Variants in DPF3 observed in about 807,000 individuals in gnomAD.
DPF3 encodes the protein zinc finger protein DPF3.
In DPF3, 18 loss-of-function variants were observed where a neutral mutation model predicts 56.8. The observed-to-expected ratio is 0.32, with a 90% CI of 0.22 to 0.47. DPF3 has a LOEUF of 0.47. DPF3 is among the 20% of genes least tolerant of loss of function. The probability of loss-of-function intolerance (pLI) is 1.00; values close to 1 mark genes in which losing one functional copy is unlikely to be tolerated. For synonymous variants in DPF3, 188 were observed against 180.2 expected (o/e 1.04, Z -0.35); for missense variants, 403 against 488.8 (o/e 0.82, Z 1.65).
intron 1 of DPF3, among the ~76,000 whole-genome samples, chr14:72,802,894 C>T (rs1343492543): frequency 6.6e-6 from 1 of 152,134 alleles, no homozygotes; most frequent in Non-Finnish European, 1.5e-5. Context: ...TATCACGCCA[C>T]CCTTCAGAAC....
At chr14:72,723,263 G>GA (rs1360204561) in intron 5 of DPF3, among the ~76,000 whole-genome samples, 1 of 150,940 alleles carries the variant, frequency 6.6e-6, no homozygotes. Context: ...CAGGTACCCT[G>GA]ACTCTGTCAT....
intron 1 of DPF3, among the ~76,000 whole-genome samples, chr14:72,874,444 A>C (rs376631309): frequency 1.3e-5 from 2 of 151,620 alleles, no homozygotes; most frequent in African/African-American, 4.9e-5. Context: ...CTGACACTGC[A>C]CTCCAGCCTA....
rs757444001 is a variant in DPF3, at chr14:72,674,245, C to T, written c.866G>A (p.Arg289His). The change falls in exon 8 of 11, where the codon CGC becomes CAC. Residue 289 changes from arginine to histidine, a missense_variant. Arg to His is a conservative substitution (Grantham distance 29, BLOSUM62 0). Coordinates refer to ENST00000556509, the MANE Select transcript of DPF3 (RefSeq NM_001280542.3). ...EELVSCADCG[R>H]SGHPTCLQFT... ...TGGGAAGGGGCCACACTCACCAGAG[C>T]GTCCACAGTCTGCGCAGGACACCAG... The T allele has an allele frequency of 1.9e-6, 3 of 1,612,224 alleles. No homozygotes were observed. Among genetic ancestry groups the T allele is most frequent in the Non-Finnish European group, 1.7e-6 (2 of 1,179,200 alleles).
intron 1 of DPF3, among the ~76,000 whole-genome samples, chr14:72,813,358 C>G (rs1883144074): frequency 6.6e-6 from 1 of 152,180 alleles, no homozygotes; most frequent in African/African-American, 2.4e-5. Context: ...AGGATTCAAT[C>G]TGGAGGAAAA....
At chr14:72,739,006 G>A (rs904584832) in intron 3 of DPF3, among the ~76,000 whole-genome samples, 3 of 152,126 alleles carry the variant, frequency 2.0e-5, no homozygotes, top group South Asian at 2.1e-4. Flanking sequence ...TTTGGGAGGC[G>A]AGGTGGGTGG....
intron 6 of DPF3, among the ~76,000 whole-genome samples, chr14:72,694,568 T>C (rs1470931795): frequency 2.0e-5 from 3 of 152,230 alleles, no homozygotes; most frequent in African/African-American, 7.2e-5. Flanking sequence ...GAGTTTCTCT[T>C]CCTACCAGAT....
chr14:72,661,095 G>A, intron 8 of DPF3: 2 of 985,440 alleles, frequency 2.0e-6, no homozygotes, highest in African/African-American at 3.5e-5. Context: ...CACACACTTG[G>A]TACAAACCCT....
chr14:72,761,974 C>T (rs1019522444), intron 2 of DPF3, among the ~76,000 whole-genome samples: 2 of 151,732 alleles, frequency 1.3e-5, no homozygotes, highest in African/African-American at 2.4e-5. Context: ...AACAAAATCA[C>T]ATACTAACAA....
chr14:72,879,947 C>G, intron 1 of DPF3: 3 of 1,491,364 alleles, frequency 2.0e-6, no homozygotes, highest in Non-Finnish European at 2.7e-6. Context: ...CTTGAAAGGG[C>G]CTGTGATTGC....
intron 1 of DPF3, among the ~76,000 whole-genome samples, chr14:72,884,825 G>A (rs1241192459): frequency 2.0e-5 from 3 of 149,312 alleles, no homozygotes; most frequent in Non-Finnish European, 3.0e-5. Context: ...GGCTGGGCAC[G>A]GTGGCTCACG....
intron 5 of DPF3, 110 bp from the exon 6 acceptor site, chr14:72,714,611 A>G: frequency 8.1e-7 from 1 of 1,234,348 alleles, no homozygotes; most frequent in Non-Finnish European, 1.1e-6. Flanking sequence ...TTTTGTGCCA[A>G]CACCAGTCCC....
chr14:72,672,786 C>T (rs1599344492), intron 8 of DPF3, among the ~76,000 whole-genome samples: 2 of 152,192 alleles, frequency 1.3e-5, no homozygotes, highest in East Asian at 1.9e-4. Context: ...CCCCCTCTAA[C>T]CCATCCAAAC....
rs552612637 is a variant in DPF3, at chr14:72,827,781, C to G, written c.33-55888G>C. ...AGGTGTGAGCCACTGCGCCTGGCCC[C>G]CCTTTACTCTTAAATACAGTGTGTG... On this transcript the variant is annotated intron_variant, in intron 1 of 10. Coordinates refer to ENST00000556509, the MANE Select transcript of DPF3 (RefSeq NM_001280542.3). Among the ~76,000 whole-genome samples the G allele has an allele frequency of 6.6e-5, 10 of 152,006 alleles. No homozygotes were observed. In the East Asian group the frequency reaches 1.9e-3, roughly 30 times the overall value.
At chr14:72,856,304 G>T (rs1293634666) in intron 1 of DPF3, among the ~76,000 whole-genome samples, 1 of 152,176 alleles carries the variant, frequency 6.6e-6, no homozygotes, top group African/African-American at 2.4e-5. Context: ...TCTAAAACAG[G>T]AGAACATCTT....
intron 3 of DPF3, among the ~76,000 whole-genome samples, chr14:72,734,628 G>C (rs1460283014): frequency 6.6e-6 from 1 of 152,116 alleles, no homozygotes; most frequent in Non-Finnish European, 1.5e-5. Context: ...TTATTTCCCA[G>C]AATGGTACAG....
At chr14:72,855,941 A>T (rs1885154808) in intron 1 of DPF3, among the ~76,000 whole-genome samples, 2 of 152,246 alleles carry the variant, frequency 1.3e-5, no homozygotes. Context: ...TGGGCAGGGA[A>T]TGTCAGGAAA....
intron 3 of DPF3, among the ~76,000 whole-genome samples, chr14:72,740,643 G>A (rs995977484): frequency 3.9e-5 from 6 of 152,206 alleles, no homozygotes; most frequent in African/African-American, 1.4e-4. Flanking sequence ...CGGAGGAATG[G>A]CTCTTCAAGA....
chr14:72,892,502 A>C (rs1599531389), intron 1 of DPF3: 1 of 1,410,658 alleles, frequency 7.1e-7, no homozygotes, highest in East Asian at 2.6e-5. Context: ...GGGCCTTCCT[A>C]CCCCTTTCCC....
At chr14:72,640,450 C>T (rs1026922851) in intron 8 of DPF3, among the ~76,000 whole-genome samples, 3 of 152,116 alleles carry the variant, frequency 2.0e-5, no homozygotes, top group Middle Eastern at 3.2e-3. Context: ...GTGCCAGGTG[C>T]TGTGATAGAT....
Sources: gnomAD v4.1 joint callset for allele counts (sites outside exome capture counted in the v4.1 genomes callset) on GRCh38, gnomAD v4.1.1 for gene constraint, MANE v1.5 for transcripts, NCBI Gene and HGNC (gene_info 2026-07-23, HGNC 2026-07-21) for gene names.